MSI2: variants seen among roughly 807,000 people sequenced by gnomAD.
MSI2 encodes the protein musashi RNA binding protein 2.
Under a neutral mutation model 45.6 loss-of-function variants are expected in MSI2, and 17 were observed. That is an observed-to-expected ratio of 0.37 (90% CI 0.26 to 0.56). MSI2 has a LOEUF of 0.56. Ranked by LOEUF, MSI2 falls within the 20% of genes least tolerant of loss-of-function variation. MSI2 has a pLI of 0.77. For missense variants in MSI2, 293 were observed against 444.2 expected (o/e 0.66, Z 3.06); for synonymous variants, 156 against 158.2 (o/e 0.99, Z 0.11).
chr17:57,266,624 G>A (rs1907806522), intron 5 of MSI2: 1 of 152,202 alleles, frequency 6.6e-6, no homozygotes, highest in African/African-American at 2.4e-5. Flanking sequence ...GCCTCCCAAA[G>A]TGCTGGGATT....
chr17:57,470,662 CTG>C (rs2085417812), intron 6 of MSI2, among the ~76,000 whole-genome samples: 1 of 152,230 alleles, frequency 6.6e-6, no homozygotes, highest in African/African-American at 2.4e-5. Context: ...GAATAGTTGA[CTG>C]TGTGCACTGG....
chr17:57,354,613 G>A (rs947951790), intron 5 of MSI2, among the ~76,000 whole-genome samples: 2 of 152,136 alleles, frequency 1.3e-5, no homozygotes, highest in African/African-American at 4.8e-5. Flanking sequence ...CAGCAGCAGA[G>A]GCAACATCTT....
At chr17:57,469,835 C>T (rs928557206) in intron 6 of MSI2, among the ~76,000 whole-genome samples, 2 of 152,254 alleles carry the variant, frequency 1.3e-5, no homozygotes, top group African/African-American at 2.4e-5. Context: ...TTGCATTCCA[C>T]TGCTTGTAGC....
intron 11 of MSI2, among the ~76,000 whole-genome samples, chr17:57,668,468 CATT>C (rs1341784617): frequency 1.3e-5 from 2 of 152,158 alleles, no homozygotes; most frequent in Non-Finnish European, 2.9e-5. Flanking sequence ...AACCAGTAGA[CATT>C]ATCAGCACCA....
At chr17:57,371,255 A>G (rs1435672739) in intron 5 of MSI2, among the ~76,000 whole-genome samples, 1 of 152,202 alleles carries the variant, frequency 6.6e-6, no homozygotes, top group Non-Finnish European at 1.5e-5. Context: ...TGATGGGGTA[A>G]AATTACGAGA....
chr17:57,403,722 G>T (rs1375774668), intron 6 of MSI2, among the ~76,000 whole-genome samples: 1 of 152,068 alleles, frequency 6.6e-6, no homozygotes. Context: ...TACTGTGTGT[G>T]TCCCCTTGGG....
intron 7 of MSI2, among the ~76,000 whole-genome samples, chr17:57,574,983 A>G (rs977107163): frequency 3.3e-5 from 5 of 151,994 alleles, no homozygotes; most frequent in African/African-American, 9.7e-5. Context: ...GGTGCCCACC[A>G]CCACGCCCGG....
chr17:57,454,918 C>A (rs4793852), intron 6 of MSI2, among the ~76,000 whole-genome samples: 144,391 of 152,160 alleles, frequency 0.95, 68,521 homozygotes, highest in Admixed American at 0.96. Context: ...TGGGGCTTCA[C>A]CTCATCTTTG....
intron 7 of MSI2, among the ~76,000 whole-genome samples, chr17:57,575,147 T>TCCCCCCCCCCCCCCCCCCCCCC (rs371180511): frequency 8.4e-6 from 1 of 119,544 alleles, no homozygotes; most frequent in Non-Finnish European, 1.7e-5. Context: ...CTTTTTTAAC[T>TCCCCCCCCCCCCCCCCCCCCCC]CCCTCCCCCC....
intron 5 of MSI2, among the ~76,000 whole-genome samples, chr17:57,379,859 A>G (rs1362781787): frequency 1.3e-5 from 2 of 152,034 alleles, no homozygotes; most frequent in Non-Finnish European, 1.5e-5. Flanking sequence ...TTGTTCTCGA[A>G]TACGGTGACT....
At chr17:57,676,944 C>T (rs769554759) in intron 12 of MSI2, 43 bp from the exon 13 acceptor site, 2 of 1,214,938 alleles carry the variant, frequency 1.6e-6, no homozygotes, top group Non-Finnish European at 2.5e-6. Context: ...AATCTGTTCC[C>T]ATGTATAGCA....
At chr17:57,555,367 G>C (rs901902638) in intron 7 of MSI2, among the ~76,000 whole-genome samples, 1 of 150,378 alleles carries the variant, frequency 6.6e-6, no homozygotes, top group East Asian at 1.9e-4. Flanking sequence ...GATTCTGGTC[G>C]TGCCAAGTTT....
chr17:57,411,588 T>G (rs1309406805), intron 6 of MSI2, among the ~76,000 whole-genome samples: 2 of 152,106 alleles, frequency 1.3e-5, no homozygotes, highest in East Asian at 3.9e-4. Context: ...CCAACAGCAG[T>G]GGGGCCCAAG....
chr17:57,521,775 T>C (rs1220143459), intron 6 of MSI2, among the ~76,000 whole-genome samples: 1 of 152,200 alleles, frequency 6.6e-6, no homozygotes, highest in East Asian at 1.9e-4. Flanking sequence ...TCTTTCGGGC[T>C]GCCCACTCCA....
In MSI2 at chr17:57,681,395, C is replaced by T. The variant is rs749457755; in HGVS notation, c.*1878C>T. 5.6e-6 allele frequency: 1 copy of T among 178,384 alleles called. No individual in the cohort carries two copies. The highest frequency in any genetic ancestry group is 1.2e-5 in the Non-Finnish European group (1 of 83,368). 11.1% of individuals were successfully genotyped at this position (178,384 alleles called of 1,614,324 possible). On this transcript the variant is annotated 3_prime_UTR_variant, in exon 14 of 14. Transcript: ENST00000284073. ...TTTATTAATATTTTTTAAATTGTTA[C>T]GTTTATAAATTTGGTACTTAAGGCA...
At chr17:57,697,118 A>C in the MSI2 span, among the ~76,000 whole-genome samples, 1 of 137,492 alleles carries the variant, frequency 7.3e-6, no homozygotes, top group African/African-American at 2.5e-5. Context: ...CCCCATCAAC[A>C]GCCTGTCTTC....
intron 5 of MSI2, among the ~76,000 whole-genome samples, chr17:57,307,577 A>C (rs1007794169): frequency 3.9e-5 from 6 of 152,202 alleles, no homozygotes; most frequent in Non-Finnish European, 5.9e-5. Context: ...GGCACCTGCC[A>C]CCACACCCAG....
chr17:57,320,281 T>C (rs77720172), intron 5 of MSI2, among the ~76,000 whole-genome samples: 7,209 of 152,246 alleles, frequency 0.047, 524 homozygotes, highest in African/African-American at 0.16. Context: ...TGGAGGTTGA[T>C]CTGTATGAGG....
At chr17:57,372,412 G>A (rs1314402616) in intron 5 of MSI2, among the ~76,000 whole-genome samples, 1 of 152,232 alleles carries the variant, frequency 6.6e-6, no homozygotes, top group African/African-American at 2.4e-5. Context: ...GAATGAGGAA[G>A]ATTCCTGCTG....
Sources: gnomAD v4.1 joint callset for allele counts (sites outside exome capture counted in the v4.1 genomes callset) on GRCh38, gnomAD v4.1.1 for gene constraint, MANE v1.5 for transcripts, NCBI Gene and HGNC (gene_info 2026-07-23, HGNC 2026-07-21) for gene names.